ZPBP: variants seen among roughly 807,000 people sequenced by gnomAD.
ZPBP encodes the protein zona pellucida-binding protein 1.
In ZPBP, 26 loss-of-function variants were observed where a neutral mutation model predicts 44.8. The ratio of observed to expected loss-of-function variants is 0.58; its 90% confidence interval spans 0.43 to 0.81. The LOEUF is 0.81. ZPBP is among the 30% of genes least tolerant of loss of function. ZPBP has a pLI of 0.00. For synonymous variants in ZPBP, 174 were observed against 153.2 expected (o/e 1.14, Z -1.00); for missense variants, 409 against 434.0 (o/e 0.94, Z 0.51).
intron 7 of ZPBP, among the ~76,000 whole-genome samples, chr7:49,941,802 C>G: frequency 6.6e-6 from 1 of 151,752 alleles, no homozygotes; most frequent in East Asian, 1.9e-4. Context: ...CTCCAAATAG[C>G]CAAAATATTG....
chr7:50,037,627 TCCG>T (rs1799881606), intron 4 of ZPBP, among the ~76,000 whole-genome samples: 1 of 151,968 alleles, frequency 6.6e-6, no homozygotes. Context: ...AAGGAGGAAA[TCCG>T]CCCCCATGAT....
intron 2 of ZPBP, among the ~76,000 whole-genome samples, chr7:49,885,205 C>T (rs1401211482): frequency 1.3e-5 from 2 of 151,984 alleles, no homozygotes; most frequent in East Asian, 1.9e-4. Context: ...AATTTAGTTC[C>T]AGAGAAGTTT....
intron 2 of ZPBP, among the ~76,000 whole-genome samples, chr7:49,894,384 C>T (rs1270630173): frequency 1.3e-5 from 2 of 152,148 alleles, no homozygotes; most frequent in Non-Finnish European, 2.9e-5. Flanking sequence ...CCACCTGCCT[C>T]GGCCTCCCAA....
At chr7:49,960,501 A>G in intron 7 of ZPBP, among the ~76,000 whole-genome samples, 1 of 152,196 alleles carries the variant, frequency 6.6e-6, no homozygotes, top group Non-Finnish European at 1.5e-5. Flanking sequence ...AAACACTTAC[A>G]TAAACTATAG....
intron 1 of ZPBP, among the ~76,000 whole-genome samples, chr7:49,906,806 G>A (rs2128740035): frequency 6.7e-6 from 1 of 150,340 alleles, no homozygotes; most frequent in East Asian, 2.1e-4. Context: ...CTGCCTCTAG[G>A]ATTGTGTGTT....
chr7:49,853,711 T>A (rs1562732778), intron 2 of ZPBP, among the ~76,000 whole-genome samples: 2 of 152,130 alleles, frequency 1.3e-5, no homozygotes, highest in Admixed American at 1.3e-4. Context: ...TAAAAACATT[T>A]AATTTTTTAT....
chr7:50,009,051 TGGTGAAACCAAG>T (rs1798443648), intron 6 of ZPBP, among the ~76,000 whole-genome samples: 1 of 151,934 alleles, frequency 6.6e-6, no homozygotes, highest in East Asian at 1.9e-4. Context: ...CTGGCCATCA[TGGTGAAACCAAG>T]TCATTACTAA....
chr7:49,969,526 A>G (rs1332279591), intron 7 of ZPBP, among the ~76,000 whole-genome samples: 1 of 149,420 alleles, frequency 6.7e-6, no homozygotes. Context: ...AAAAAAACAC[A>G]TAAGAATGAA....
chr7:50,065,725 T>C (rs1801471162), intron 3 of ZPBP, among the ~76,000 whole-genome samples: 1 of 150,930 alleles, frequency 6.6e-6, no homozygotes, highest in African/African-American at 2.5e-5. Context: ...GTTGAGCAAA[T>C]ATCGTTTTGG....
intron 2 of ZPBP, among the ~76,000 whole-genome samples, chr7:49,855,399 T>C (rs1344464077): frequency 2.0e-5 from 3 of 152,154 alleles, no homozygotes; most frequent in Non-Finnish European, 4.4e-5. Context: ...ACAGGGACCT[T>C]GTCAGCATCT....
At chr7:50,045,049 CA>C (rs1456945777) in intron 4 of ZPBP, among the ~76,000 whole-genome samples, 1 of 152,130 alleles carries the variant, frequency 6.6e-6, no homozygotes, top group Non-Finnish European at 1.5e-5. Flanking sequence ...TGACAAAAAC[CA>C]CATGATTATC....
At chr7:50,029,649 T>C (rs2128810925) in intron 5 of ZPBP, among the ~76,000 whole-genome samples, 1 of 152,264 alleles carries the variant, frequency 6.6e-6, no homozygotes, top group Middle Eastern at 3.4e-3. Flanking sequence ...AAATTTTAAA[T>C]TGAGCAAAGG....
chr7:50,085,069 C>A (rs1343779675), intron 2 of ZPBP, among the ~76,000 whole-genome samples: 1 of 151,976 alleles, frequency 6.6e-6, no homozygotes, highest in Non-Finnish European at 1.5e-5. Context: ...ATAGTCTTTA[C>A]TGAGGAAGTC....
intron 6 of ZPBP, among the ~76,000 whole-genome samples, chr7:50,014,151 T>G (rs1417439644): frequency 6.6e-6 from 1 of 152,096 alleles, no homozygotes; most frequent in African/African-American, 2.4e-5. Flanking sequence ...TTTCATGTAC[T>G]GGAAGATTGA....
intron 1 of ZPBP, among the ~76,000 whole-genome samples, chr7:49,911,045 T>G (rs926701069): frequency 6.6e-6 from 1 of 152,362 alleles, no homozygotes; most frequent in East Asian, 1.9e-4. Context: ...ATATCTCTGC[T>G]GAAAGTGTCC....
intron 7 of ZPBP, among the ~76,000 whole-genome samples, chr7:49,954,883 T>C (rs912374377): frequency 6.6e-6 from 1 of 152,178 alleles, no homozygotes; most frequent in Admixed American, 6.6e-5. Flanking sequence ...GAATAAACTT[T>C]TTATTCATGG....
rs1795593738 is a variant in ZPBP, at chr7:49,956,390, AT to A, written c.962-18769del. ...CTAAATATCAATGCCCTCATTGAAA[AT>A]TTCAAGAAATCTATTTTTTGAAAAG... is the stretch of plus-strand genomic sequence containing the variant. On this transcript the variant is annotated intron_variant, in intron 7 of 7. Transcript: ENST00000046087. Among the ~76,000 whole-genome samples, 3 of 152,096 alleles carry A rather than the reference AT, an allele frequency of 2.0e-5. 1 individual carries two copies. In the South Asian group the frequency reaches 6.2e-4, roughly 32 times the overall value.
intron 4 of ZPBP, among the ~76,000 whole-genome samples, chr7:50,043,794 A>T (rs142159990): frequency 1.3e-3 from 191 of 152,278 alleles, no homozygotes; most frequent in African/African-American, 4.3e-3. Flanking sequence ...CAGGACTTGA[A>T]CTCAGTTCTG....
At chr7:50,034,765 T>A (rs1395232521) in intron 4 of ZPBP, among the ~76,000 whole-genome samples, 3 of 152,216 alleles carry the variant, frequency 2.0e-5, no homozygotes, top group African/African-American at 4.8e-5. Context: ...CCAAATTTGT[T>A]CCTTTCTACT....
Sources: allele counts gnomAD v4.1 joint callset (sites outside exome capture counted in the v4.1 genomes callset), GRCh38; gene constraint gnomAD v4.1.1; transcripts MANE v1.5; gene names NCBI Gene and HGNC (gene_info 2026-07-23, HGNC 2026-07-21).